The following ACYP2 variants were observed in gnomAD, a reference collection of about 807,000 sequenced individuals.
The protein encoded by ACYP2 is acylphosphatase-2.
ACYP2 carries 12 observed loss-of-function variants against 11.2 expected under a neutral mutation model. The observed-to-expected ratio is 1.08, with a 90% CI of 0.69 to 1.74. ACYP2 has a LOEUF of 1.74. Ranked by LOEUF, ACYP2 falls within the 40% of genes most tolerant of loss-of-function variation. ACYP2 has a pLI of 0.00. For missense variants in ACYP2, 134 were observed against 101.9 expected, an observed-to-expected ratio of 1.31 and a Z score of -1.35; for synonymous variants, 43 against 32.2, an observed-to-expected ratio of 1.33 and a Z score of -1.13.
chr2:54,230,582 T>TC (rs1204391608), intron 6 of ACYP2, among the ~76,000 whole-genome samples: 2 of 152,024 alleles, frequency 1.3e-5, no homozygotes. Flanking sequence ...GTCAGGCTGG[T>TC]CTTGAACTTC....
intron 4 of ACYP2, among the ~76,000 whole-genome samples, chr2:54,100,471 TA>T (rs558669842): frequency 6.6e-6 from 1 of 151,736 alleles, no homozygotes; most frequent in Admixed American, 6.6e-5. Context: ...CCTGGCTAAT[TA>T]AAAAAAGATT....
chr2:53,992,090 TCCTTCCTC>T, intron 2 of ACYP2, among the ~76,000 whole-genome samples: 1 of 150,442 alleles, frequency 6.6e-6, no homozygotes, highest in South Asian at 2.1e-4. Context: ...CTTCCTTCCT[TCCTTCCTC>T]CTTCCCTCCC....
At chr2:54,115,852 CG>C (rs1415344383) in intron 4 of ACYP2, 96 bp downstream of exon 1, 4 of 1,366,578 alleles carry the variant, frequency 2.9e-6, no homozygotes, top group Non-Finnish European at 3.8e-6. Flanking sequence ...TGCCTTTTCC[CG>C]TTGTGGCTGG....
intron 2 of ACYP2, among the ~76,000 whole-genome samples, chr2:54,037,553 G>T (rs1286636945): frequency 1.3e-5 from 2 of 152,104 alleles, no homozygotes; most frequent in East Asian, 3.9e-4. Flanking sequence ...TAGGACCACA[G>T]TGAACCCCTA....
At chr2:54,064,797 A>G (rs1676654666) in intron 4 of ACYP2, among the ~76,000 whole-genome samples, 1 of 152,186 alleles carries the variant, frequency 6.6e-6, no homozygotes, top group Non-Finnish European at 1.5e-5. Flanking sequence ...GATTAAATAT[A>G]GGGGGACCGC....
chr2:54,101,102 G>A (rs1305438235), intron 4 of ACYP2, among the ~76,000 whole-genome samples: 5 of 152,050 alleles, frequency 3.3e-5, no homozygotes, highest in African/African-American at 9.7e-5. Context: ...AGGACCCCAC[G>A]GAGCCTCAAA....
rs187336825 is a variant in ACYP2 at position 53,998,418 on chromosome 2, G to A, written c.62+24608G>A. On this transcript the variant is annotated intron_variant, in intron 2 of 6. Transcript: ENST00000607452. ...ATACTTGAGCATATTAACAGAAAAA[G>A]TGAAAGAGGATGATTAATAAACGAA... Among the ~76,000 whole-genome samples, 138 of 152,328 alleles carry A rather than the reference G, an allele frequency of 9.1e-4. 1 individual carries two copies. Among genetic ancestry groups the A allele is most frequent in the African/African-American group, 3.2e-3 (135 of 41,590 alleles).
At chr2:53,985,070 CTTTTTTT>C (rs1178409999) in intron 2 of ACYP2, among the ~76,000 whole-genome samples, 4 of 134,998 alleles carry the variant, frequency 3.0e-5, no homozygotes, top group Admixed American at 2.3e-4. Context: ...TTTTTTCTTT[CTTTTTTT>C]TTTTTTTTTT....
At chr2:54,004,405 T>A (rs1281061716) in intron 2 of ACYP2, among the ~76,000 whole-genome samples, 2 of 65,908 alleles carry the variant, frequency 3.0e-5, no homozygotes, top group Admixed American at 1.4e-4. Flanking sequence ...TAGTTTAGCC[T>A]TTTTTTTTTT....
At chr2:54,271,403 G>A (rs749529719) in intron 6 of ACYP2, among the ~76,000 whole-genome samples, 6 of 152,138 alleles carry the variant, frequency 3.9e-5, no homozygotes, top group Admixed American at 6.5e-5. Context: ...TTTTTGAGAT[G>A]TTTTTTCACT....
At chr2:54,197,338 G>GGGA (rs1684532869) in intron 6 of ACYP2, among the ~76,000 whole-genome samples, 1 of 152,180 alleles carries the variant, frequency 6.6e-6, no homozygotes, top group South Asian at 2.1e-4. Flanking sequence ...TCCCTACAGG[G>GGGA]GTTGCGGGGG....
intron 4 of ACYP2, among the ~76,000 whole-genome samples, chr2:54,096,772 A>G (rs1011719081): frequency 6.6e-6 from 1 of 152,142 alleles, no homozygotes; most frequent in Admixed American, 6.5e-5. Context: ...CAGTGAGCTG[A>G]GATGGCAGCA....
intron 4 of ACYP2, chr2:54,080,367 G>C (rs945379757): frequency 1.3e-5 from 2 of 151,892 alleles, no homozygotes; most frequent in Admixed American, 1.3e-4. Flanking sequence ...CTGCTTTTTG[G>C]GATGCAGTTT....
At chr2:54,069,534 C>T (rs1268681252) in intron 4 of ACYP2, among the ~76,000 whole-genome samples, 6 of 152,006 alleles carry the variant, frequency 3.9e-5, no homozygotes, top group Non-Finnish European at 5.9e-5. Flanking sequence ...TGGTGGCGGG[C>T]GCCTGTAGTC....
intron 4 of ACYP2, among the ~76,000 whole-genome samples, chr2:54,060,851 G>A (rs1676432597): frequency 2.6e-5 from 4 of 151,678 alleles, no homozygotes; most frequent in East Asian, 1.9e-4. Context: ...GCTTGGTAAC[G>A]TTATTTACCA....
chr2:54,147,134 C>A (rs1478571044), intron 6 of ACYP2, among the ~76,000 whole-genome samples: 1 of 152,154 alleles, frequency 6.6e-6, no homozygotes, highest in East Asian at 1.9e-4. Flanking sequence ...AGTTACTTTT[C>A]TTTTCTTTCT....
At chr2:54,035,009 C>CAAAAAAAAA (rs550142135) in intron 2 of ACYP2, among the ~76,000 whole-genome samples, 488 of 44,738 alleles carry the variant, frequency 0.011, 59 homozygotes, top group Non-Finnish European at 0.021. Context: ...GACTACATCT[C>CAAAAAAAAA]AAAAAAAAAA....
intron 4 of ACYP2, among the ~76,000 whole-genome samples, chr2:54,125,801 G>C (rs1680457761): frequency 6.6e-6 from 1 of 151,618 alleles, no homozygotes; most frequent in Non-Finnish European, 1.5e-5. Context: ...GGGGATTCAG[G>C]CTGGGCACAG....
rs3738856 is a variant in ACYP2, at chr2:54,083,037, G to A, written c.277+25677G>A. ...TGTAGTGAGCCAAGATCATGCCACT[G>A]CACTCCAGCCTGGGCCACAGAGTGA... On this transcript the variant is annotated intron_variant, in intron 4 of 6. Transcript: ENST00000607452. Among the ~76,000 whole-genome samples the A allele has an allele frequency of 9.3e-5, 14 of 150,928 alleles. No individual in the cohort carries two copies. In the East Asian group the frequency reaches 1.6e-3, roughly 17 times the overall value.
Sources: allele counts gnomAD v4.1 joint callset (sites outside exome capture counted in the v4.1 genomes callset), GRCh38; gene constraint gnomAD v4.1.1; transcripts MANE v1.5; gene names NCBI Gene and HGNC (gene_info 2026-07-23, HGNC 2026-07-21).